The following ATL3 variants were observed in gnomAD, a reference collection of about 807,000 sequenced individuals.
ATL3 encodes the protein atlastin GTPase 3, also known as atlastin-3.
Under a neutral mutation model 69.5 loss-of-function variants are expected in ATL3, and 49 were observed. The ratio of observed to expected loss-of-function variants is 0.71; its 90% confidence interval spans 0.56 to 0.89. ATL3 has a LOEUF of 0.89. Ranked by LOEUF, ATL3 falls within the 40% of genes least tolerant of loss-of-function variation. The pLI, the probability that ATL3 is intolerant of heterozygous loss-of-function variation, is 0.00. For missense variants in ATL3, 606 were observed against 645.7 expected (o/e 0.94, Z 0.67); for synonymous variants, 214 against 224.1 (o/e 0.95, Z 0.40).
chr11:63,664,279 C>T (rs1281921328), intron 1 of ATL3, among the ~76,000 whole-genome samples: 1 of 152,178 alleles, frequency 6.6e-6, no homozygotes, highest in Non-Finnish European at 1.5e-5. Flanking sequence ...TGGCCCATGC[C>T]TGTAATCCCA....
intron 1 of ATL3, among the ~76,000 whole-genome samples, chr11:63,666,081 G>A (rs1940565328): frequency 6.6e-6 from 1 of 152,086 alleles, no homozygotes; most frequent in African/African-American, 2.4e-5. Flanking sequence ...ACCGGGCTCA[G>A]GCAATCCTCC....
At chr11:63,658,717 T>C in intron 3 of ATL3, 44 bp downstream of exon 3, 1 of 1,530,472 alleles carries the variant, frequency 6.5e-7, no homozygotes, top group Non-Finnish European at 8.8e-7. Flanking sequence ...AGTTCATATT[T>C]TGTTGTTGTT....
intron 8 of ATL3, among the ~76,000 whole-genome samples, chr11:63,639,418 A>C (rs1368347727): frequency 6.6e-6 from 1 of 152,208 alleles, no homozygotes; most frequent in Non-Finnish European, 1.5e-5. Context: ...AAGTTAGGCA[A>C]AAAAGCAAAT....
chr11:63,633,302 C>T lies in ATL3; in HGVS notation c.1036-205G>A, dbSNP rs560214566. ...CCAAAAAAAGGTAGAAGTTCATATA[C>T]ATAGAAATATGTATTCTTATACATA... On this transcript the variant is annotated intron_variant, in intron 10 of 12. Transcript: ENST00000398868. 4.6e-5 allele frequency among the ~76,000 whole-genome samples: 7 copies of T among 152,232 alleles called. No homozygotes were observed. The East Asian group carries it at 1.3e-3, about 29-fold the overall frequency.
At chr11:63,639,286 A>G (rs1939616568) in intron 8 of ATL3, among the ~76,000 whole-genome samples, 1 of 152,192 alleles carries the variant, frequency 6.6e-6, no homozygotes, top group Admixed American at 6.5e-5. Context: ...AAAAATATCC[A>G]TCTCCAAATC....
chr11:63,643,359 T>C lies in ATL3; in HGVS notation c.848A>G (p.Lys283Arg). 6.2e-7 allele frequency: 1 copy of C among 1,605,570 alleles called. No homozygotes were observed. Among genetic ancestry groups the C allele is most frequent in the Non-Finnish European group, 8.5e-7 (1 of 1,176,756 alleles). The change falls in exon 8 of 13, where the codon AAA becomes AGA. Residue 283 changes from lysine (K) to arginine (R), a missense_variant and splice_region_variant. Transcript: ENST00000398868. Reference protein sequence around the residue: ...ATSPDFDGKLKDIAGEFKEQL... With the variant: ...ATSPDFDGKLRDIAGEFKEQL... ...TTAAAATAACACCTGGAACACACCTTTTAATTTCCCATCAAAGTCAGGGCT... is the reference window on the plus strand; with the variant it reads ...TTAAAATAACACCTGGAACACACCTCTTAATTTCCCATCAAAGTCAGGGCT...
chr11:63,628,205 G>T lies in ATL3; in HGVS notation c.*1114C>A, dbSNP rs894486540. 2 of 151,676 alleles carry T rather than the reference G, an allele frequency of 1.3e-5. No individual in the cohort carries two copies. The highest frequency in any genetic ancestry group is 4.8e-5 in the African/African-American group (2 of 41,260). 9.4% of individuals were successfully genotyped at this position (151,676 alleles called of 1,614,324 possible). A position where few individuals can be genotyped will look rare whatever the true frequency, so the allele number is the denominator to read the frequency against. On this transcript the variant is annotated 3_prime_UTR_variant, in exon 13 of 13. Coordinates refer to ENST00000398868, the MANE Select transcript of ATL3 (RefSeq NM_015459.5). The stretch of plus-strand genomic sequence containing the variant: ...CAAGTGACTTATCAGAGGTCACATG[G>T]TTCATTTAAACTTAGCTTTTTTCTT...
intron 1 of ATL3, among the ~76,000 whole-genome samples, chr11:63,664,463 C>T (rs1940514525): frequency 6.6e-6 from 1 of 151,390 alleles, no homozygotes; most frequent in Admixed American, 6.6e-5. Context: ...TCGCTTGAAC[C>T]CGGGAGGCAG....
At chr11:63,671,642 G>A, upstream of ATL3, 1 of 1,408,192 alleles carries the variant, frequency 7.1e-7, no homozygotes, top group Non-Finnish European at 9.3e-7. Context: ...GTACCTGTTG[G>A]CGGGGCGCTG....
intron 1 of ATL3, among the ~76,000 whole-genome samples, chr11:63,666,329 G>A (rs772987820): frequency 1.3e-5 from 2 of 152,242 alleles, no homozygotes; most frequent in South Asian, 2.1e-4. Context: ...GTGAGCCACC[G>A]CGCCCGGCCT....
At chr11:63,647,286 C>T (rs1236076784) in intron 5 of ATL3, among the ~76,000 whole-genome samples, 2 of 152,232 alleles carry the variant, frequency 1.3e-5, no homozygotes, top group African/African-American at 2.4e-5. Context: ...CTCCGCCTCC[C>T]GGGTTCAAGC....
chr11:63,630,453 CCAAAGGGGAACACAATCAGTATGT>C (rs1939274167), intron 12 of ATL3, among the ~76,000 whole-genome samples: 1 of 134,568 alleles, frequency 7.4e-6, no homozygotes, highest in East Asian at 2.6e-4. Flanking sequence ...AAAAAAGTTG[CCAAAGGGGAACACAATCAGTATGT>C]CTAAGTTGGA....
chr11:63,662,399 A>G (rs1207316795), intron 1 of ATL3, among the ~76,000 whole-genome samples: 2 of 152,184 alleles, frequency 1.3e-5, no homozygotes, highest in African/African-American at 4.8e-5. Context: ...TAATTTTAAT[A>G]ATTATGCATG....
intron 3 of ATL3, among the ~76,000 whole-genome samples, chr11:63,653,570 G>C (rs1274339549): frequency 6.6e-6 from 1 of 152,044 alleles, no homozygotes; most frequent in Non-Finnish European, 1.5e-5. Context: ...ATTCTTAATT[G>C]TCAAAATTTG....
At chr11:63,656,907 C>T (rs1225613437) in intron 3 of ATL3, among the ~76,000 whole-genome samples, 2 of 151,858 alleles carry the variant, frequency 1.3e-5, no homozygotes, top group Non-Finnish European at 2.9e-5. Flanking sequence ...ACCAACACTC[C>T]AGCACTTCAA....
intron 1 of ATL3, among the ~76,000 whole-genome samples, chr11:63,665,206 G>A (rs1297688251): frequency 3.9e-5 from 6 of 152,172 alleles, no homozygotes; most frequent in African/African-American, 1.4e-4. Context: ...TTAGCTGGGC[G>A]TGGTGGCACA....
chr11:63,671,350 C>A lies in ATL3; in HGVS notation c.-15G>T, dbSNP rs768772424. 16 of 1,578,084 alleles carry A rather than the reference C, an allele frequency of 1.0e-5. No individual in the cohort carries two copies. The South Asian group carries it at 1.6e-4, about 16-fold the overall frequency. ...GGGGACAACATGGAGCCTCCGCCTT[C>A]AAAGCAGAAGCAGCAGGGGTGCAGA... On this transcript the variant is annotated 5_prime_UTR_variant, in exon 1 of 13. Transcript: ENST00000398868.
intron 11 of ATL3, chr11:63,632,388 T>C (rs1332629468): frequency 3.4e-6 from 3 of 890,136 alleles, no homozygotes; most frequent in African/African-American, 1.6e-5. Context: ...CACAAAATCT[T>C]AGTCGACATT....
chr11:63,629,633 A>C (rs1939239712), intron 12 of ATL3, among the ~76,000 whole-genome samples: 1 of 152,198 alleles, frequency 6.6e-6, no homozygotes, highest in South Asian at 2.1e-4. Context: ...CTGTGGCTTC[A>C]CAAGCTGCTA....
Sources: allele counts gnomAD v4.1 joint callset (sites outside exome capture counted in the v4.1 genomes callset), GRCh38; gene constraint gnomAD v4.1.1; transcripts MANE v1.5; gene names NCBI Gene and HGNC (gene_info 2026-07-23, HGNC 2026-07-21).